PPARGC1A: variants seen among roughly 807,000 people sequenced by gnomAD.
PPARGC1A encodes the protein peroxisome proliferator-activated receptor gamma coactivator 1-alpha.
PPARGC1A carries 25 observed loss-of-function variants against 88.7 expected under a neutral mutation model. The observed-to-expected ratio is 0.28, with a 90% CI of 0.21 to 0.39. The LOEUF (loss-of-function observed/expected upper bound fraction) is 0.39. Among genes scored for constraint, PPARGC1A ranks in the 10% least tolerant of loss-of-function variants. The probability of loss-of-function intolerance (pLI) is 1.00; values close to 1 mark genes in which losing one functional copy is unlikely to be tolerated. For synonymous variants in PPARGC1A, 363 were observed against 355.6 expected (o/e 1.02, Z -0.24); for missense variants, 880 against 968.7 (o/e 0.91, Z 1.22).
intron 1 of PPARGC1A, chr4:23,889,436 A>C: frequency 1.1e-6 from 1 of 929,076 alleles, no homozygotes; most frequent in Non-Finnish European, 1.3e-6. Context: ...TGTCTGATGA[A>C]CAGAGAGAGA....
chr4:24,452,043 T>A, the PPARGC1A span, among the ~76,000 whole-genome samples: 5 of 152,250 alleles, frequency 3.3e-5, no homozygotes, highest in East Asian at 9.7e-4. Context: ...GTGGGCCTCA[T>A]CTAATTAGTT....
At chr4:23,888,232 C>A (rs1333718562) in intron 1 of PPARGC1A, among the ~76,000 whole-genome samples, 1 of 152,190 alleles carries the variant, frequency 6.6e-6, no homozygotes, top group African/African-American at 2.4e-5. Flanking sequence ...AGCCGACTGG[C>A]GACTCTATCC....
chr4:23,943,630 C>T, the PPARGC1A span, among the ~76,000 whole-genome samples: 7 of 152,134 alleles, frequency 4.6e-5, no homozygotes, highest in Admixed American at 3.9e-4. Context: ...TGAAATGTAA[C>T]TCCTCAACCC....
At chr4:23,963,650 C>G in the PPARGC1A span, among the ~76,000 whole-genome samples, 1 of 152,136 alleles carries the variant, frequency 6.6e-6, no homozygotes, top group African/African-American at 2.4e-5. Context: ...ACCTCAAACC[C>G]TAGAGAGAAG....
chr4:24,334,189 A>G, the PPARGC1A span, among the ~76,000 whole-genome samples: 1 of 152,116 alleles, frequency 6.6e-6, no homozygotes, highest in South Asian at 2.1e-4. Context: ...TGTAATGCCA[A>G]TGCTACTGGT....
the PPARGC1A span, among the ~76,000 whole-genome samples, chr4:24,384,621 C>CA: frequency 2.0e-5 from 3 of 148,854 alleles, no homozygotes; most frequent in South Asian, 6.4e-4. Context: ...GACTTTAAAC[C>CA]AAAAAAGGTC....
the PPARGC1A span, among the ~76,000 whole-genome samples, chr4:24,172,287 G>T: frequency 6.6e-6 from 1 of 152,178 alleles, no homozygotes; most frequent in African/African-American, 2.4e-5. Flanking sequence ...ATGTTTTAAT[G>T]CCTGAACCTC....
At chr4:24,434,477 G>A in the PPARGC1A span, among the ~76,000 whole-genome samples, 8 of 152,188 alleles carry the variant, frequency 5.3e-5, no homozygotes. Flanking sequence ...ATAAAAAGCT[G>A]TTATCTTCTG....
At chr4:24,125,874 G>A in the PPARGC1A span, among the ~76,000 whole-genome samples, 1 of 152,154 alleles carries the variant, frequency 6.6e-6, no homozygotes, top group Non-Finnish European at 1.5e-5. Flanking sequence ...GTCTCGCAGG[G>A]CTCCTCGAAT....
At chr4:24,019,599 T>C in the PPARGC1A span, among the ~76,000 whole-genome samples, 1 of 152,130 alleles carries the variant, frequency 6.6e-6, no homozygotes, top group South Asian at 2.1e-4. Flanking sequence ...TATCTAAGGG[T>C]TGAGTTTTCC....
chr4:24,301,054 A>G, the PPARGC1A span, among the ~76,000 whole-genome samples: 4 of 152,200 alleles, frequency 2.6e-5, no homozygotes, highest in Non-Finnish European at 4.4e-5. Context: ...GAAGGAAAAA[A>G]AAAATCCCTA....
the PPARGC1A span, among the ~76,000 whole-genome samples, chr4:24,336,102 TTC>T: frequency 1.3e-5 from 2 of 151,962 alleles, no homozygotes; most frequent in African/African-American, 4.8e-5. Flanking sequence ...TCCACATCCT[TTC>T]TCTATCTTTC....
At chr4:24,386,236 G>A in the PPARGC1A span, among the ~76,000 whole-genome samples, 2 of 152,020 alleles carry the variant, frequency 1.3e-5, no homozygotes, top group Non-Finnish European at 2.9e-5. Flanking sequence ...TTGACAGAAT[G>A]TATCTCAAAA....
chr4:24,330,460 C>T, the PPARGC1A span, among the ~76,000 whole-genome samples: 1 of 152,186 alleles, frequency 6.6e-6, no homozygotes, highest in Non-Finnish European at 1.5e-5. Context: ...GCTGTTGCAA[C>T]CATGCCAGCC....
At chr4:24,454,598 T>C in the PPARGC1A span, among the ~76,000 whole-genome samples, 2 of 151,862 alleles carry the variant, frequency 1.3e-5, no homozygotes, top group Non-Finnish European at 2.9e-5. Flanking sequence ...AATAGCTGAG[T>C]GTGGTGGTGC....
At chr4:24,404,894 G>A in the PPARGC1A span, among the ~76,000 whole-genome samples, 23 of 152,166 alleles carry the variant, frequency 1.5e-4, no homozygotes, top group Non-Finnish European at 3.1e-4. Flanking sequence ...GTAATATCAC[G>A]GTACTACACA....
chr4:23,972,567 T>G, the PPARGC1A span, among the ~76,000 whole-genome samples: 1 of 152,196 alleles, frequency 6.6e-6, no homozygotes, highest in Admixed American at 6.5e-5. Context: ...TAAACTAGTA[T>G]CTCTTCAAGT....
the PPARGC1A span, among the ~76,000 whole-genome samples, chr4:23,991,925 C>T: frequency 4.9e-3 from 750 of 152,166 alleles, 7 homozygotes; most frequent in African/African-American, 0.016. Context: ...CCTCAAAGCA[C>T]GAAACAGTTT....
chr4:24,158,149 G>A, the PPARGC1A span, among the ~76,000 whole-genome samples: 1 of 140,698 alleles, frequency 7.1e-6, no homozygotes, highest in African/African-American at 2.7e-5. Flanking sequence ...AGAGATCTTT[G>A]CAATAGTTAT....
Sources: gnomAD v4.1 joint callset for allele counts (sites outside exome capture counted in the v4.1 genomes callset) on GRCh38, gnomAD v4.1.1 for gene constraint, MANE v1.5 for transcripts, NCBI Gene and HGNC (gene_info 2026-07-23, HGNC 2026-07-21) for gene names.